SOX5: variants seen among roughly 807,000 people sequenced by gnomAD.
The protein encoded by SOX5 is SRY-box transcription factor 5.
A neutral mutation model predicts 92.0 loss-of-function variants in SOX5; 9 were observed. That is an observed-to-expected ratio of 0.10 (90% CI 0.06 to 0.17). SOX5 has a LOEUF of 0.17. Ranked by LOEUF, SOX5 falls within the 10% of genes least tolerant of loss-of-function variation. SOX5 has a pLI of 1.00. For synonymous variants in SOX5, 344 were observed against 336.3 expected (o/e 1.02, Z -0.25); for missense variants, 642 against 944.5 (o/e 0.68, Z 4.20).
chr12:23,778,823 C>T (rs1414972149), intron 3 of SOX5, among the ~76,000 whole-genome samples: 3 of 152,028 alleles, frequency 2.0e-5, no homozygotes, highest in Non-Finnish European at 4.4e-5. Flanking sequence ...AGACTCAAGG[C>T]CAAAAAGTGT....
At chr12:23,774,046 C>T (rs969814036) in intron 3 of SOX5, among the ~76,000 whole-genome samples, 2 of 152,008 alleles carry the variant, frequency 1.3e-5, no homozygotes, top group Non-Finnish European at 2.9e-5. Flanking sequence ...TTATGATGCC[C>T]ACTCGCCTTA....
chr12:24,429,840 C>A (rs528753264), intron 1 of SOX5, among the ~76,000 whole-genome samples: 2 of 152,210 alleles, frequency 1.3e-5, no homozygotes, highest in Non-Finnish European at 2.9e-5. Context: ...AAGATAACAT[C>A]CAATACAACA....
intron 4 of SOX5, among the ~76,000 whole-genome samples, chr12:24,050,560 AG>A (rs1957467647): frequency 6.6e-6 from 1 of 152,366 alleles, no homozygotes; most frequent in Admixed American, 6.5e-5. Context: ...AGTAATAATT[AG>A]ATTATTTTCT....
chr12:24,343,667 A>G (rs1384025394), intron 2 of SOX5, among the ~76,000 whole-genome samples: 1 of 152,154 alleles, frequency 6.6e-6, no homozygotes, highest in Non-Finnish European at 1.5e-5. Context: ...TCCCAAGGAC[A>G]GTATAGGTAC....
At chr12:23,972,831 ATCTAT>A (rs558886433) in intron 4 of SOX5, among the ~76,000 whole-genome samples, 2 of 152,276 alleles carry the variant, frequency 1.3e-5, no homozygotes, top group African/African-American at 4.8e-5. Flanking sequence ...AACGTTAAAA[ATCTAT>A]TCTATTAGCT....
intron 6 of SOX5, among the ~76,000 whole-genome samples, chr12:23,680,900 A>G (rs1177529732): frequency 8.3e-6 from 1 of 120,734 alleles, no homozygotes; most frequent in Non-Finnish European, 1.9e-5. Context: ...AAGAAAGGCC[A>G]GTGATTTTCC....
chr12:23,872,703 C>A (rs182112749), intron 2 of SOX5, among the ~76,000 whole-genome samples: 74 of 152,142 alleles, frequency 4.9e-4, no homozygotes, highest in Admixed American at 1.6e-3. Flanking sequence ...CATTTGGTAA[C>A]CATTTAATAT....
chr12:23,555,738 T>TCAAA (rs1334049205), intron 11 of SOX5, among the ~76,000 whole-genome samples: 3 of 152,190 alleles, frequency 2.0e-5, no homozygotes, highest in East Asian at 1.9e-4. Context: ...AACTTCAAGC[T>TCAAA]CAAACAAATC....
At position 24,470,511 on chromosome 12, in the gene SOX5, T is replaced by C. The variant is rs74426849; in HGVS notation, c.-251+91818A>G. On this transcript the variant is annotated intron_variant, in intron 1 of 4. Transcript: ENST00000446891. ...TCCATGATGAACAGCTTTTCATTCA[T>C]AAGGGTGTTTGATCAAGGATTCCAA... Among the ~76,000 whole-genome samples, 1,234 of 146,620 alleles carry C rather than the reference T, an allele frequency of 8.4e-3. 21 individuals are homozygous for C. Among genetic ancestry groups the C allele is most frequent in the African/African-American group, 0.03 (1,167 of 39,210 alleles).
intron 4 of SOX5, among the ~76,000 whole-genome samples, chr12:24,070,818 G>A (rs1218559326): frequency 6.6e-6 from 1 of 152,132 alleles, no homozygotes; most frequent in African/African-American, 2.4e-5. Context: ...TCCTCGGATT[G>A]AGATACAGCC....
At chr12:23,577,150 T>TATACACACAC (rs1387483353) in intron 9 of SOX5, among the ~76,000 whole-genome samples, 1 of 117,594 alleles carries the variant, frequency 8.5e-6, no homozygotes, top group African/African-American at 3.3e-5. Flanking sequence ...TATATATATA[T>TATACACACAC]ACACACACAC....
intron 2 of SOX5, among the ~76,000 whole-genome samples, chr12:23,880,778 A>C (rs745450480): frequency 3.5e-4 from 54 of 152,226 alleles, no homozygotes; most frequent in Middle Eastern, 3.2e-3. Context: ...ATCATCACCA[A>C]GCAAATCTTA....
At chr12:24,382,786 A>T (rs1327810953) in intron 1 of SOX5, among the ~76,000 whole-genome samples, 1 of 139,018 alleles carries the variant, frequency 7.2e-6, no homozygotes, top group Non-Finnish European at 1.5e-5. Flanking sequence ...TTAGATGTAC[A>T]GTAAAAGCAA....
chr12:23,872,014 T>C (rs1245827856), intron 2 of SOX5, among the ~76,000 whole-genome samples: 1 of 151,282 alleles, frequency 6.6e-6, no homozygotes, highest in East Asian at 1.9e-4. Flanking sequence ...TTTCTTTTTT[T>C]TGAGACGGAG....
At chr12:24,068,837 G>A (rs1470685943) in intron 4 of SOX5, among the ~76,000 whole-genome samples, 3 of 149,626 alleles carry the variant, frequency 2.0e-5, no homozygotes, top group South Asian at 2.1e-4. Context: ...AGATGCAGAA[G>A]GGCTGGACTT....
At chr12:23,993,935 GT>G (rs956147646) in intron 4 of SOX5, among the ~76,000 whole-genome samples, 1 of 151,928 alleles carries the variant, frequency 6.6e-6, no homozygotes, top group Non-Finnish European at 1.5e-5. Context: ...ATGTATGTGT[GT>G]ATGTTTGTAT....
chr12:24,314,517 A>C (rs517186), intron 2 of SOX5, among the ~76,000 whole-genome samples: 60,467 of 151,564 alleles, frequency 0.4, 12,765 homozygotes, highest in East Asian at 0.64. Flanking sequence ...AAGTATAATA[A>C]AAATAAAAAT....
chr12:24,264,477 G>A (rs1331216122), intron 3 of SOX5, among the ~76,000 whole-genome samples: 2 of 152,190 alleles, frequency 1.3e-5, no homozygotes, highest in Admixed American at 1.3e-4. Flanking sequence ...ACCGTCTGAG[G>A]TGTGTTGAAC....
chr12:24,263,000 T>C lies in SOX5; in HGVS notation c.-77+14216A>G, dbSNP rs528210265. Among the ~76,000 whole-genome samples, 11 of 152,044 alleles carry C rather than the reference T, an allele frequency of 7.2e-5. No individual in the cohort carries two copies. In the South Asian group the frequency reaches 2.3e-3, roughly 32 times the overall value. The stretch of plus-strand genomic sequence containing the variant: ...ACTCTGGGAGGCTGAGGTGGGCAGA[T>C]CACCTGAGGTCAGGAGTTCGAGGCC... On this transcript the variant is annotated intron_variant, in intron 3 of 4. Transcript: ENST00000446891.
Sources: gnomAD v4.1 joint callset for allele counts (sites outside exome capture counted in the v4.1 genomes callset) on GRCh38, gnomAD v4.1.1 for gene constraint, MANE v1.5 for transcripts, NCBI Gene and HGNC (gene_info 2026-07-23, HGNC 2026-07-21) for gene names.